TEAD1: variants seen among roughly 807,000 people sequenced by gnomAD.
The protein encoded by TEAD1 is TEA domain transcription factor 1.
Under a neutral mutation model 54.9 loss-of-function variants are expected in TEAD1, and 9 were observed. That is an observed-to-expected ratio of 0.16 (90% CI 0.10 to 0.29). The LOEUF (loss-of-function observed/expected upper bound fraction) is 0.29, where lower values mean the gene tolerates loss of function less well. Ranked by LOEUF, TEAD1 falls within the 10% of genes least tolerant of loss-of-function variation. The pLI, the probability that TEAD1 is intolerant of heterozygous loss-of-function variation, is 1.00. For synonymous variants in TEAD1, 200 were observed against 187.8 expected, an observed-to-expected ratio of 1.07 and a Z score of -0.53; for missense variants, 387 against 535.9, an observed-to-expected ratio of 0.72 and a Z score of 2.74.
chr11:12,779,971 A>G (rs1233163279), intron 3 of TEAD1, among the ~76,000 whole-genome samples: 2 of 152,232 alleles, frequency 1.3e-5, no homozygotes, highest in African/African-American at 4.8e-5. Flanking sequence ...TAATAGTAAA[A>G]GACTGAATGC....
At chr11:12,903,058 C>T (rs765291322) in intron 10 of TEAD1, among the ~76,000 whole-genome samples, 4 of 152,160 alleles carry the variant, frequency 2.6e-5, no homozygotes, top group Non-Finnish European at 5.9e-5. Flanking sequence ...GGGCCTTATT[C>T]ATATAGTGGC....
intron 2 of TEAD1, among the ~76,000 whole-genome samples, chr11:12,718,066 G>A (rs1944102838): frequency 6.6e-6 from 1 of 152,144 alleles, no homozygotes; most frequent in Non-Finnish European, 1.5e-5. Context: ...GGTTTTCTTA[G>A]CCTCTAACCT....
rs962554457 is a variant in TEAD1, at chr11:12,811,834, A to G, written c.202+47400A>G. ...CAGGCCTTCGGTTATCATAGACTGTATATGTGTATCTGGGTGGGGGTGGGG... is the reference window on the plus strand; with the variant it reads ...CAGGCCTTCGGTTATCATAGACTGTGTATGTGTATCTGGGTGGGGGTGGGG... On this transcript the variant is annotated intron_variant, in intron 3 of 12. Coordinates refer to ENST00000527636, the MANE Select transcript of TEAD1 (RefSeq NM_021961.6). 2.2e-4 allele frequency among the ~76,000 whole-genome samples: 8 copies of G among 36,924 alleles called. No individual in the cohort carries two copies. The Admixed American group carries it at 2.8e-3, about 13-fold the overall frequency. The allele number at this position is 36,924 out of a possible 152,430, so 24.2% of individuals were successfully genotyped here.
At position 12,835,377 on chromosome 11, in the gene TEAD1, C is replaced by T. The variant is rs1253769045; in HGVS notation, c.203-26873C>T. On this transcript the variant is annotated intron_variant, in intron 3 of 12. Transcript: ENST00000527636. ...GGTTGGTTTGAGAAGGAGTGTTGCT[C>T]CGTCACCCAGGCTGGAGTGCAGTGG... 3.9e-5 allele frequency among the ~76,000 whole-genome samples: 6 copies of T among 152,022 alleles called. No homozygotes were observed. In the South Asian group the frequency reaches 8.3e-4, roughly 21 times the overall value.
At chr11:12,767,875 G>A (rs1037799396) in intron 3 of TEAD1, among the ~76,000 whole-genome samples, 1 of 152,114 alleles carries the variant, frequency 6.6e-6, no homozygotes, top group Non-Finnish European at 1.5e-5. Flanking sequence ...ACACAGCTAC[G>A]TGTGACTCTT....
rs756723520 is a variant in TEAD1 at position 12,922,192 on chromosome 11, C to CTTT, written c.874-2700_874-2698dup. ...AGGGGAATGTGGAGTACATGGTTCT[C>CTTT]TTTTTTTTTTTTTTTTTTTTTTGAG... On this transcript the variant is annotated intron_variant, in intron 10 of 12. Coordinates refer to ENST00000527636, the MANE Select transcript of TEAD1 (RefSeq NM_021961.6). 8.9e-4 allele frequency among the ~76,000 whole-genome samples: 84 copies of CTTT among 94,482 alleles called. 2 individuals are homozygous for CTTT. The highest frequency in any genetic ancestry group is 1.3e-3 in the South Asian group (4 of 3,162). The allele number at this position is 94,482 out of a possible 152,430, so 62.0% of individuals were successfully genotyped here.
chr11:12,700,917 C>A (rs997090226), intron 2 of TEAD1, among the ~76,000 whole-genome samples: 6 of 152,158 alleles, frequency 3.9e-5, no homozygotes, highest in Non-Finnish European at 7.3e-5. Flanking sequence ...TTGTGGTCCT[C>A]CCCTTAGCTC....
intron 3 of TEAD1, among the ~76,000 whole-genome samples, chr11:12,813,373 CG>C (rs1946347234): frequency 6.6e-6 from 1 of 152,130 alleles, no homozygotes; most frequent in Non-Finnish European, 1.5e-5. Flanking sequence ...AGGGGATCGC[CG>C]GGACAGAAAA....
chr11:12,733,726 TTGTGTGAA>T (rs1944468414), intron 2 of TEAD1, among the ~76,000 whole-genome samples: 1 of 152,228 alleles, frequency 6.6e-6, no homozygotes, highest in Non-Finnish European at 1.5e-5. Context: ...TAACACTTGT[TTGTGTGAA>T]TGTATGTACA....
Position 12,764,430 on chromosome 11 carries a change from G to A in TEAD1, c.198G>A (p.Met66Ile). Reference sequence around the variant, plus strand: ...TCATCTTATCAGACGAAGGCAAAATGTATGGTAAGTGGCCTGGAACACTCC... The same window carrying A: ...TCATCTTATCAGACGAAGGCAAAATATATGGTAAGTGGCCTGGAACACTCC... Residue 66 changes from methionine (M) to isoleucine (I), a missense_variant, in exon 3 of 13, where the codon ATG (methionine) becomes ATA (isoleucine). Transcript: ENST00000527636. 2 of 1,614,162 alleles carry A rather than the reference G, an allele frequency of 1.2e-6. No homozygotes were observed. Among genetic ancestry groups the A allele is most frequent in the Non-Finnish European group, 1.7e-6 (2 of 1,180,016 alleles).
chr11:12,707,467 T>A (rs767516346), intron 2 of TEAD1, among the ~76,000 whole-genome samples: 1 of 152,246 alleles, frequency 6.6e-6, no homozygotes, highest in Non-Finnish European at 1.5e-5. Context: ...ACTACCTCAC[T>A]CTCAGGCCAC....
intron 2 of TEAD1, among the ~76,000 whole-genome samples, chr11:12,708,991 AT>A (rs1943876143): frequency 6.6e-6 from 1 of 152,194 alleles, no homozygotes; most frequent in South Asian, 2.1e-4. Flanking sequence ...AAAGACCCTC[AT>A]TTTCTACTTC....
At chr11:12,852,488 C>T (rs2134052972) in intron 3 of TEAD1, among the ~76,000 whole-genome samples, 1 of 151,032 alleles carries the variant, frequency 6.6e-6, no homozygotes, top group African/African-American at 2.4e-5. Flanking sequence ...CACTCTGTTG[C>T]CCAGGCTGGA....
At chr11:12,798,423 CAGTT>C (rs1945982248) in intron 3 of TEAD1, among the ~76,000 whole-genome samples, 1 of 152,192 alleles carries the variant, frequency 6.6e-6, no homozygotes, top group African/African-American at 2.4e-5. Flanking sequence ...TCTATTTCCT[CAGTT>C]AGATCAGAAG....
chr11:12,773,523 T>C (rs1420971158), intron 3 of TEAD1, among the ~76,000 whole-genome samples: 1 of 152,252 alleles, frequency 6.6e-6, no homozygotes, highest in African/African-American at 2.4e-5. Context: ...CTAACGATGT[T>C]GAACATCTTT....
chr11:12,877,075 G>C (rs1947866689), intron 5 of TEAD1, among the ~76,000 whole-genome samples: 1 of 152,208 alleles, frequency 6.6e-6, no homozygotes. Context: ...AGTTGAGGAA[G>C]CTAGCTTTAG....
intron 3 of TEAD1, among the ~76,000 whole-genome samples, chr11:12,790,579 G>T (rs1012830101): frequency 5.3e-5 from 8 of 152,242 alleles, no homozygotes; most frequent in East Asian, 1.9e-4. Flanking sequence ...TATTTCCCCA[G>T]GTTCATCTCC....
chr11:12,851,520 G>A (rs1008951862), intron 3 of TEAD1, among the ~76,000 whole-genome samples: 33 of 152,230 alleles, frequency 2.2e-4, no homozygotes, highest in African/African-American at 7.9e-4. Flanking sequence ...ATGGCTGGGC[G>A]CAGTGGCTCA....
At chr11:12,838,313 C>T (rs557147490) in intron 3 of TEAD1, among the ~76,000 whole-genome samples, 2 of 152,116 alleles carry the variant, frequency 1.3e-5, no homozygotes, top group Non-Finnish European at 2.9e-5. Flanking sequence ...TTAATGTGGA[C>T]GATGCTACAT....
Sources: gnomAD v4.1 joint callset for allele counts (sites outside exome capture counted in the v4.1 genomes callset) on GRCh38, gnomAD v4.1.1 for gene constraint, MANE v1.5 for transcripts, NCBI Gene and HGNC (gene_info 2026-07-23, HGNC 2026-07-21) for gene names.